BRWD1: variants seen among roughly 807,000 people sequenced by gnomAD.
BRWD1 encodes the protein bromodomain and WD repeat domain containing 1, also known as bromodomain and WD repeat-containing protein 1.
A neutral mutation model predicts 251.2 loss-of-function variants in BRWD1; 82 were observed. That is an observed-to-expected ratio of 0.33 (90% CI 0.27 to 0.39). The LOEUF is 0.39. Ranked by LOEUF, BRWD1 falls within the 10% of genes least tolerant of loss-of-function variation. The pLI is 1.00. For synonymous variants in BRWD1, 918 were observed against 902.8 expected, an observed-to-expected ratio of 1.02 and a Z score of -0.30; for missense variants, 2,233 against 2,711.6, an observed-to-expected ratio of 0.82 and a Z score of 3.92.
chr21:39,275,981 G>C (rs188642398), intron 12 of BRWD1, among the ~76,000 whole-genome samples, 192 bp downstream of exon 12: 26 of 152,092 alleles, frequency 1.7e-4, no homozygotes, highest in African/African-American at 6.0e-4. Context: ...GCAGTGAGCC[G>C]AGATTGTGCC....
At chr21:39,214,633 T>C (rs917736275) in intron 32 of BRWD1, among the ~76,000 whole-genome samples, 3 of 152,112 alleles carry the variant, frequency 2.0e-5, no homozygotes, top group Non-Finnish European at 2.9e-5. Flanking sequence ...ACCAAGATTT[T>C]TTTTTTAACA....
chr21:39,280,575 T>C (rs919478466), intron 8 of BRWD1, among the ~76,000 whole-genome samples: 2 of 151,866 alleles, frequency 1.3e-5, no homozygotes, highest in African/African-American at 4.8e-5. Context: ...ACTGATAGAA[T>C]GACCAATGGA....
In BRWD1 at chr21:39,185,949, C is replaced by T. The variant is rs1267797374; in HGVS notation, c.*10310G>A. 6.6e-6 allele frequency: 1 copy of T among 152,090 alleles called. No individual in the cohort carries two copies. The highest frequency in any genetic ancestry group is 2.4e-5 in the African/African-American group (1 of 41,406). The allele number at this position is 152,090 out of a possible 1,614,324, so 9.4% of individuals were successfully genotyped here. On this transcript the variant is annotated 3_prime_UTR_variant, in exon 41 of 41. Transcript: ENST00000342449. ...AATACATATTAACAACAAATTAAATCCTATTGTAAATACACTTCTTTGTTA... is the reference window on the plus strand; with the variant it reads ...AATACATATTAACAACAAATTAAATTCTATTGTAAATACACTTCTTTGTTA...
Position 39,247,772 on chromosome 21 carries a change from T to G in BRWD1, c.2410A>C (p.Asn804His). The G allele has an allele frequency of 6.2e-7, 1 of 1,613,624 alleles. No homozygotes were observed. The highest frequency in any genetic ancestry group is 1.1e-5 in the South Asian group (1 of 90,990). The change falls in exon 21 of 41, where the codon AAT (asparagine) becomes CAT (histidine). Residue 804 changes from asparagine (N) to histidine (H), a missense_variant. Transcript: ENST00000342449. ...RQRTCRRKYP[N>H]YGRRNRSWRE... ...CAGCTACGATTTCTTCTACCATAAT[T>G]TGGATATTTACGCCTACATGTCCTT...
intron 17 of BRWD1, among the ~76,000 whole-genome samples, chr21:39,264,247 T>C (rs993779562): frequency 2.0e-5 from 3 of 152,086 alleles, no homozygotes; most frequent in African/African-American, 7.2e-5. Context: ...GTGTCTATAG[T>C]TATGTAAGAG....
intron 21 of BRWD1, among the ~76,000 whole-genome samples, chr21:39,241,473 T>TAAAAAAAAAAAAAACA (rs2033991564): frequency 2.2e-5 from 1 of 44,900 alleles, no homozygotes; most frequent in Non-Finnish European, 4.0e-5. Context: ...ATCTCCAAAG[T>TAAAAAAAAAAAAAACA]AAAAAAAAAA....
chr21:39,185,299 A>T (rs1222878916), downstream of BRWD1: 1 of 40,608 alleles, frequency 2.5e-5, no homozygotes. Flanking sequence ...AATTGCTAAA[A>T]AAAAAAAAAA....
chr21:39,199,743 C>T, intron 39 of BRWD1, 81 bp from the exon 40 acceptor site: 5 of 1,334,654 alleles, frequency 3.7e-6, no homozygotes, highest in Non-Finnish European at 5.0e-6. Flanking sequence ...TAATGATTTT[C>T]TTCACTTTTT....
intron 19 of BRWD1, 79 bp from the exon 20 acceptor site, chr21:39,250,968 G>T: frequency 2.5e-6 from 2 of 813,608 alleles, no homozygotes; most frequent in Non-Finnish European, 3.8e-6. Context: ...AAACCAGTGT[G>T]ATTCTATAAA....
chr21:39,310,336 T>C (rs950335732), intron 4 of BRWD1, among the ~76,000 whole-genome samples: 1 of 152,068 alleles, frequency 6.6e-6, no homozygotes, highest in Non-Finnish European at 1.5e-5. Context: ...GCCAACATGG[T>C]GAAACCCCTT....
chr21:39,214,522 G>A (rs1601291680), intron 32 of BRWD1, among the ~76,000 whole-genome samples: 1 of 151,950 alleles, frequency 6.6e-6, no homozygotes, highest in African/African-American at 2.4e-5. Context: ...AAAACAAAAC[G>A]CTAAATTTGA....
In BRWD1 at chr21:39,295,918, C is replaced by A. The variant is rs780989144; in HGVS notation, c.449-15G>T. The stretch of plus-strand genomic sequence containing the variant: ...ATGTATCTCCACTAGGAAATAAAAA[C>A]AATGAAAATGGTTAAGGGAGAGCCA... On this transcript the variant is annotated splice_polypyrimidine_tract_variant and intron_variant, in intron 6 of 40. Coordinates refer to ENST00000342449, the MANE Select transcript of BRWD1 (RefSeq NM_033656.4). 7.0e-6 allele frequency: 11 copies of A among 1,561,816 alleles called. No homozygotes were observed. In the African/African-American group the frequency reaches 1.1e-4, roughly 16 times the overall value.
intron 40 of BRWD1, among the ~76,000 whole-genome samples, chr21:39,198,549 G>A (rs1021720825): frequency 1.3e-5 from 2 of 152,022 alleles, no homozygotes; most frequent in African/African-American, 2.4e-5. Context: ...TTGCCTGTTA[G>A]GTGAATAAAA....
At position 39,190,456 on chromosome 21, in the gene BRWD1, A is replaced by T; in HGVS notation, c.*5803T>A. 1.0e-6 allele frequency: 1 copy of T among 985,384 alleles called. No homozygotes were observed. The highest frequency in any genetic ancestry group is 1.7e-5 in the African/African-American group (1 of 57,356). The allele number at this position is 985,384 out of a possible 1,614,324, so 61.0% of individuals were successfully genotyped here. On this transcript the variant is annotated 3_prime_UTR_variant, in exon 41 of 41. Transcript: ENST00000342449. ...CTAGCCTCTTTCATAAACTCCTAGA[A>T]TCTTGACATTATTGGTTGCTGTGGT...
chr21:39,301,780 A>G (rs1265013148), intron 4 of BRWD1, among the ~76,000 whole-genome samples: 1 of 152,114 alleles, frequency 6.6e-6, no homozygotes, highest in East Asian at 1.9e-4. Flanking sequence ...AAGACAAAAT[A>G]AAAATCCTAA....
intron 20 of BRWD1, among the ~76,000 whole-genome samples, chr21:39,248,090 T>C (rs908621627): frequency 2.0e-5 from 3 of 152,030 alleles, no homozygotes; most frequent in Admixed American, 2.0e-4. Context: ...TTACCACGAA[T>C]GAGGGAAAAT....
rs1359228155 is a variant in BRWD1 at position 39,202,485 on chromosome 21, A to G, written c.4425T>C (p.Ser1475=). Residue 1475 remains serine (S), a synonymous_variant, in exon 38 of 41, where the codon TCT becomes TCC. Coordinates refer to ENST00000342449, the MANE Select transcript of BRWD1 (RefSeq NM_033656.4). The part of the protein sequence containing the change: ...QTKIIPELVG[S]PTQSTSSRTA... ...TCCTACTTGAGGTAGACTGGGTAGG[A>G]GAACCTACCAACTCAGGAATTATTT... 1 of 1,613,864 alleles carries G rather than the reference A, an allele frequency of 6.2e-7. No homozygotes were observed. Among genetic ancestry groups the G allele is most frequent in the Non-Finnish European group, 8.5e-7 (1 of 1,179,880 alleles).
chr21:39,236,668 T>A lies in BRWD1; in HGVS notation c.2693A>T (p.Glu898Val), dbSNP rs1480359635. 6 of 1,613,518 alleles carry A rather than the reference T, an allele frequency of 3.7e-6. No homozygotes were observed. The highest frequency in any genetic ancestry group is 4.2e-6 in the Non-Finnish European group (5 of 1,179,596). The change falls in exon 23 of 41, where the codon GAA becomes GTA. Residue 898 changes from glutamate (E) to valine (V), a missense_variant. Physicochemically the swap from Glu to Val is moderately radical, Grantham distance 121. Transcript: ENST00000342449. The stretch of plus-strand genomic sequence containing the variant: ...AGGAGATAAATTCTCAGTAGATATT[T>A]CATCTTCTGAACTACTACAAAATCG... ...ITRFCSSSED[E>V]ISTENLSPPK...
At chr21:39,314,593 T>G (rs1048557717), upstream of BRWD1, 1 of 347,792 alleles carries the variant, frequency 2.9e-6, no homozygotes, top group Non-Finnish European at 5.7e-6. Flanking sequence ...CTTGCCAGGC[T>G]TCTGACCTAA....
Sources: gnomAD v4.1 joint callset for allele counts (sites outside exome capture counted in the v4.1 genomes callset) on GRCh38, gnomAD v4.1.1 for gene constraint, MANE v1.5 for transcripts, NCBI Gene and HGNC (gene_info 2026-07-23, HGNC 2026-07-21) for gene names.